The following NAA50 variants were observed in gnomAD, a reference collection of about 807,000 sequenced individuals.
The protein encoded by NAA50 is N-alpha-acetyltransferase 50, NatE catalytic subunit.
A neutral mutation model predicts 20.7 loss-of-function variants in NAA50; 7 were observed. The ratio of observed to expected loss-of-function variants is 0.34; its 90% CI spans 0.19 to 0.63. The LOEUF is 0.63. Among genes scored for constraint, NAA50 ranks in the 30% least tolerant of loss-of-function variants. NAA50 has a pLI of 0.75. For synonymous variants in NAA50, 54 were observed against 70.6 expected, an observed-to-expected ratio of 0.77 and a Z score of 1.18; for missense variants, 111 against 199.1, an observed-to-expected ratio of 0.56 and a Z score of 2.66.
Position 113,722,968 on chromosome 3 carries a change from A to G in NAA50, c.270T>C (p.Thr90=). ...TGTTTAAGACATGATTTAACATTTT[A>G]GTTCCTGTTAATAAAATAAATAACA... is the stretch of plus-strand genomic sequence containing the variant. ...LAPYRRLGIG[T]KMLNHVLNIC... The change falls in exon 4 of 5, where the codon ACT becomes ACC. Residue 90 remains threonine, a synonymous_variant. Transcript: ENST00000240922. The G allele has an allele frequency of 6.5e-7, 1 of 1,531,538 alleles. No homozygotes were observed. The highest frequency in any genetic ancestry group is 8.9e-7 in the Non-Finnish European group (1 of 1,129,418). 94.9% of individuals were successfully genotyped at this position (1,531,538 alleles called of 1,614,324 possible). A position where few individuals can be genotyped will look rare whatever the true frequency, so the allele number is the denominator to read the frequency against.
chr3:113,737,585 A>G (rs189420841), intron 1 of NAA50, among the ~76,000 whole-genome samples: 19 of 152,340 alleles, frequency 1.2e-4, no homozygotes, highest in East Asian at 5.8e-4. Context: ...CTATAAAACT[A>G]TAAGACTTAG....
Position 113,724,039 on chromosome 3 carries a change from A to G in NAA50, c.65T>C (p.Leu22Ser). 6.2e-7 allele frequency: 1 copy of G among 1,611,602 alleles called. No individual in the cohort carries two copies. Among genetic ancestry groups the G allele is most frequent in the Non-Finnish European group, 8.5e-7 (1 of 1,178,918 alleles). ...TPHNIKQLKR[L>S]NQVIFPVSYN... ...GCTGACTGGAAAGATGACCTGATTC[A>G]ATCTTTTCAACTGTTTAATATTGTG... is the stretch of plus-strand genomic sequence containing the variant. Residue 22 changes from leucine (L) to serine (S), a missense_variant, in exon 2 of 5, where the codon TTG (leucine) becomes TCG (serine). Physicochemically the swap from Leu to Ser is moderately radical, Grantham distance 145. Transcript: ENST00000240922.
At chr3:113,723,028 G>GT in intron 3 of NAA50, 56 bp from the exon 4 acceptor site, 2 of 1,464,486 alleles carry the variant, frequency 1.4e-6, no homozygotes, top group South Asian at 2.6e-5. Context: ...TTTAAATTAT[G>GT]TATCTATCCA....
At chr3:113,723,063 G>C (rs1043624648) in intron 3 of NAA50, 91 bp from the exon 4 acceptor site, 17 of 1,395,728 alleles carry the variant, frequency 1.2e-5, no homozygotes, top group Admixed American at 6.0e-5. Flanking sequence ...TACTTATTGA[G>C]TCCTAAAAGA....
intron 1 of NAA50, among the ~76,000 whole-genome samples, chr3:113,727,744 T>C (rs757153575): frequency 2.6e-5 from 4 of 152,166 alleles, no homozygotes; most frequent in Non-Finnish European, 4.4e-5. Context: ...CTATGCGCGT[T>C]ATATATATGT....
chr3:113,741,606 A>G (rs1708418330), intron 1 of NAA50, among the ~76,000 whole-genome samples: 1 of 152,260 alleles, frequency 6.6e-6, no homozygotes, highest in South Asian at 2.1e-4. Flanking sequence ...TCTACTGATC[A>G]CATGTGCAAT....
chr3:113,744,127 A>G (rs191614022), intron 1 of NAA50, among the ~76,000 whole-genome samples: 18 of 152,262 alleles, frequency 1.2e-4, no homozygotes, highest in Admixed American at 7.8e-4. Flanking sequence ...GTGCCTGACA[A>G]TGAGTACAAA....
At position 113,734,437 on chromosome 3, in the gene NAA50, AC is replaced by A. The variant is rs35060404; in HGVS notation, c.9-10343del. ...ACCCACGTAACAAACCGGTACATGT[AC>A]CCCCTGGATCTAAGATAAAAGCTGA... On this transcript the variant is annotated intron_variant, in intron 1 of 4. Coordinates refer to ENST00000240922, the MANE Select transcript of NAA50 (RefSeq NM_025146.4). 4.7e-3 allele frequency among the ~76,000 whole-genome samples: 715 copies of A among 152,252 alleles called. 15 individuals are homozygous for A. The highest frequency in any genetic ancestry group is 0.034 in the Admixed American group (515 of 15,286).
Position 113,721,410 on chromosome 3 carries a change from CAAT to C in NAA50, c.*347_*349del, listed in dbSNP as rs1343278602. Reference sequence around the variant, plus strand: ...GCTTCTTTTTGTCTTTTGAAATATACAATGTTTTGTAGGCTCTGCCCTTCAATG... The same window carrying C: ...GCTTCTTTTTGTCTTTTGAAATATACGTTTTGTAGGCTCTGCCCTTCAATG... On this transcript the variant is annotated 3_prime_UTR_variant, in exon 5 of 5. Coordinates refer to ENST00000240922, the MANE Select transcript of NAA50 (RefSeq NM_025146.4). 16 of 247,818 alleles carry C rather than the reference CAAT, an allele frequency of 6.5e-5. No homozygotes were observed. Among genetic ancestry groups the C allele is most frequent in the South Asian group, 2.1e-4 (4 of 18,714 alleles). 15.4% of individuals were successfully genotyped at this position (247,818 alleles called of 1,614,324 possible).
intron 1 of NAA50, among the ~76,000 whole-genome samples, chr3:113,737,818 A>G (rs181417051): frequency 2.6e-5 from 4 of 152,254 alleles, no homozygotes; most frequent in Non-Finnish European, 1.5e-5. Flanking sequence ...AGGACAACCA[A>G]AAGTGTCTTC....
chr3:113,742,276 T>TTG (rs1708427199), intron 1 of NAA50, among the ~76,000 whole-genome samples: 1 of 152,208 alleles, frequency 6.6e-6, no homozygotes, highest in African/African-American at 2.4e-5. Flanking sequence ...TTGTTTTGTT[T>TTG]TTTAAGACCA....
chr3:113,731,242 T>C (rs1187233497), intron 1 of NAA50, among the ~76,000 whole-genome samples: 1 of 152,212 alleles, frequency 6.6e-6, no homozygotes, highest in Non-Finnish European at 1.5e-5. Context: ...AAGTTATGTA[T>C]GTTGCAAAGA....
intron 3 of NAA50, 71 bp from the exon 4 acceptor site, chr3:113,723,043 C>A: frequency 1.4e-6 from 2 of 1,439,722 alleles, no homozygotes; most frequent in South Asian, 1.4e-5. Flanking sequence ...TATCCACTTG[C>A]CATCTGAACT....
chr3:113,722,048 A>G, intron 4 of NAA50, 111 bp from the exon 5 acceptor site: 1 of 978,368 alleles, frequency 1.0e-6, no homozygotes, highest in Non-Finnish European at 1.5e-6. Context: ...TACAACTACC[A>G]GTAATCAACA....
At chr3:113,726,881 G>A (rs535096950) in intron 1 of NAA50, among the ~76,000 whole-genome samples, 14 of 152,240 alleles carry the variant, frequency 9.2e-5, no homozygotes, top group African/African-American at 2.6e-4. Flanking sequence ...AGCAGCCTCC[G>A]CTTCTCAGGC....
chr3:113,745,164 C>T (rs1392930443), intron 1 of NAA50, among the ~76,000 whole-genome samples: 1 of 152,158 alleles, frequency 6.6e-6, no homozygotes, highest in Non-Finnish European at 1.5e-5. Context: ...ACCAGTCGAT[C>T]CAAAATAATT....
chr3:113,745,433 C>CT (rs1213469945), intron 1 of NAA50, among the ~76,000 whole-genome samples: 1 of 152,138 alleles, frequency 6.6e-6, no homozygotes, highest in Admixed American at 6.5e-5. Flanking sequence ...GTCACTAGCT[C>CT]TTAATACTCA....
chr3:113,736,690 GTAAAAAGTGGTTTTTT>G (rs1162064760), intron 1 of NAA50, among the ~76,000 whole-genome samples: 1 of 152,140 alleles, frequency 6.6e-6, no homozygotes, highest in Non-Finnish European at 1.5e-5. Flanking sequence ...GTGGGTCTCG[GTAAAAAGTGGTTTTTT>G]TAAGAAGGAT....
chr3:113,744,982 C>T (rs1424389107), intron 1 of NAA50, among the ~76,000 whole-genome samples: 3 of 152,182 alleles, frequency 2.0e-5, no homozygotes, highest in Non-Finnish European at 4.4e-5. Context: ...AATCGACTTA[C>T]AACAACAAAC....
Sources: allele counts gnomAD v4.1 joint callset (sites outside exome capture counted in the v4.1 genomes callset), GRCh38; gene constraint gnomAD v4.1.1; transcripts MANE v1.5; gene names NCBI Gene and HGNC (gene_info 2026-07-23, HGNC 2026-07-21).